Variants in BCL9L observed in about 807,000 individuals in gnomAD.
BCL9L encodes B-cell CLL/lymphoma 9-like protein.
Under a neutral mutation model 99.4 loss-of-function variants are expected in BCL9L, and 19 were observed. That is an observed-to-expected ratio of 0.19 (90% CI 0.13 to 0.28). BCL9L has a LOEUF of 0.28. Among genes scored for constraint, BCL9L ranks in the 10% least tolerant of loss-of-function variants. The probability of loss-of-function intolerance (pLI) is 1.00; values close to 1 mark genes in which losing one functional copy is unlikely to be tolerated. For synonymous variants in BCL9L, 900 were observed against 854.8 expected (o/e 1.05, Z -0.92); for missense variants, 2,023 against 2,101.6 (o/e 0.96, Z 0.73).
In BCL9L at chr11:118,908,627, G is replaced by C; in HGVS notation, c.55C>G (p.Pro19Ala). ...RLPHPRRREAPGSPPLSPRGH... is the reference protein window; with the variant it reads ...RLPHPRRREAAGSPPLSPRGH... Reference sequence around the variant, plus strand: ...CGGGGGGACAGCGGCGGGCTCCCTGGAGCTTCTCTCCTCCTGGGGTGGGGT... The same window carrying C: ...CGGGGGGACAGCGGCGGGCTCCCTGCAGCTTCTCTCCTCCTGGGGTGGGGT... Residue 19 changes from proline (P) to alanine (A), a missense_variant, in exon 4 of 10, where the codon CCA becomes GCA. Pro to Ala is a conservative substitution (Grantham distance 27). Coordinates refer to ENST00000683865, the MANE Select transcript of BCL9L (RefSeq NM_001378213.1). 1 of 1,612,184 alleles carries C rather than the reference G, an allele frequency of 6.2e-7. No homozygotes were observed. The highest frequency in any genetic ancestry group is 8.5e-7 in the Non-Finnish European group (1 of 1,179,494).
chr11:118,901,258 T>G lies in BCL9L; in HGVS notation c.2485A>C (p.Met829Leu). 6.2e-7 allele frequency: 1 copy of G among 1,614,012 alleles called. No homozygotes were observed. The highest frequency in any genetic ancestry group is 8.5e-7 in the Non-Finnish European group (1 of 1,179,980). Residue 829 changes from methionine (M) to leucine (L), a missense_variant, in exon 8 of 10, where the codon ATG becomes CTG. By Grantham distance (15) the Met-to-Leu change is conservative. Around this residue, in one of 3 missense-constraint regions of BCL9L, gnomAD observed 1,116 missense variants for 1,194.6 expected, o/e 0.93. Transcript: ENST00000683865. This position sits in a 1 kb window ranked among gnomAD's most constrained non-coding sequence, Gnocchi z 6.6. ...ATCAGCATCTTCTGCGGGCCGCCCA[T>G]CACGCCACTGCTGTTCTGGGCCCGA... ...RVRAQNSSGV[M>L]GGPQKMLMPS...
intron 1 of BCL9L, among the ~76,000 whole-genome samples, chr11:118,920,038 C>T (rs759253687): frequency 1.5e-4 from 23 of 152,130 alleles, no homozygotes; most frequent in African/African-American, 9.7e-5. Context: ...GGGGTGGGGA[C>T]GTAAAAGGGA....
chr11:118,916,120 A>G (rs7102433), intron 2 of BCL9L, among the ~76,000 whole-genome samples: 10,459 of 152,222 alleles, frequency 0.069, 945 homozygotes, highest in African/African-American at 0.21. Flanking sequence ...GTCCAGTAGC[A>G]AGGCATGGCC....
chr11:118,903,814 C>T lies in BCL9L; in HGVS notation c.533-362G>A, dbSNP rs1403562521. Among the ~76,000 whole-genome samples, 2 of 152,196 alleles carry T rather than the reference C, an allele frequency of 1.3e-5. No individual in the cohort carries two copies. The highest frequency in any genetic ancestry group is 2.4e-5 in the African/African-American group (1 of 41,438). On this transcript the variant is annotated intron_variant, in intron 5 of 9. Coordinates refer to ENST00000683865, the MANE Select transcript of BCL9L (RefSeq NM_001378213.1). This position sits in a 1 kb window ranked among gnomAD's most constrained non-coding sequence, Gnocchi z 5.6. ...AGTTACACAGCCAGTTAGTGCAGAG[C>T]CAGAACTGAACCCAGGGCCGGGACT... is the stretch of plus-strand genomic sequence containing the variant.
chr11:118,913,580 TG>T (rs1380967729), intron 2 of BCL9L, among the ~76,000 whole-genome samples: 35 of 149,464 alleles, frequency 2.3e-4, no homozygotes, highest in African/African-American at 7.2e-4. Flanking sequence ...AGAGAGGGGG[TG>T]GGGGGCACAA....
rs550537639 is a variant in BCL9L, at chr11:118,898,768, C to T, written c.4147G>A (p.Val1383Ile). ...RPPNLPGQQG[V>I]QRGLNMSMCH... ...ATGGACATGTTGAGCCCCCGCTGGACGCCCTGCTGGCCTGGGAGGTTGGGA... is the reference window on the plus strand; with the variant it reads ...ATGGACATGTTGAGCCCCCGCTGGATGCCCTGCTGGCCTGGGAGGTTGGGA... Residue 1383 changes from valine to isoleucine, a missense_variant, in exon 10 of 10, where the codon GTC (valine) becomes ATC (isoleucine). Physicochemically the swap from Val to Ile is conservative, Grantham distance 29. Around this residue, in one of 3 missense-constraint regions of BCL9L, gnomAD observed 902 missense variants for 888.2 expected, o/e 1.02. Transcript: ENST00000683865. The T allele has an allele frequency of 5.8e-5, 94 of 1,613,668 alleles. No individual in the cohort carries two copies. The highest frequency in any genetic ancestry group is 1.3e-4 in the African/African-American group (10 of 74,924).
rs561337960 is a variant in BCL9L at position 118,908,682 on chromosome 11, A to T, written c.27-27T>A. ...TGGGAGGAGGTGGGAGAAATGTGAA[A>T]AGTTAACCTTGCTAGGGGCTAGGCA... On this transcript the variant is annotated intron_variant, in intron 3 of 9. Transcript: ENST00000683865. 7 of 1,585,698 alleles carry T rather than the reference A, an allele frequency of 4.4e-6. No individual in the cohort carries two copies. In the South Asian group the frequency reaches 5.7e-5, roughly 13 times the overall value.
At chr11:118,920,491 T>A (rs910057731) in intron 1 of BCL9L, among the ~76,000 whole-genome samples, 1 of 152,170 alleles carries the variant, frequency 6.6e-6, no homozygotes, top group Admixed American at 6.5e-5. Flanking sequence ...TTTAGCTATT[T>A]GACCCTAGCT....
At chr11:118,910,563 C>T (rs1445133301) in intron 2 of BCL9L, 1 of 152,478 alleles carries the variant, frequency 6.6e-6, no homozygotes, top group Non-Finnish European at 1.5e-5. Context: ...AACGCTGGCT[C>T]GGATTCCTCC....
rs1275229033 is a variant in BCL9L, at chr11:118,900,629, G to A, written c.3114C>T (p.Asn1038=). 1.2e-6 allele frequency: 2 copies of A among 1,607,050 alleles called. No homozygotes were observed. Among genetic ancestry groups the A allele is most frequent in the Admixed American group, 1.7e-5 (1 of 59,736 alleles). ...GCGCAATTGACTCACCCTGTTCCATGTTGCTCAGGGTGGTGGAAGAGTTCA... is the reference window on the plus strand; with the variant it reads ...GCGCAATTGACTCACCCTGTTCCATATTGCTCAGGGTGGTGGAAGAGTTCA... The part of the protein sequence containing the change: ...LNMNSSTTLS[N]MEQGTLPPSG... The change falls in exon 8 of 10, where the codon AAC becomes AAT. Residue 1038 remains asparagine, a synonymous_variant. Transcript: ENST00000683865. The surrounding 1 kb of genome is among the most constrained non-coding windows in gnomAD (Gnocchi z 5.3).
Position 118,901,327 on chromosome 11 carries a change from A to G in BCL9L, c.2416T>C (p.Leu806=). 1 of 1,613,560 alleles carries G rather than the reference A, an allele frequency of 6.2e-7. No homozygotes were observed. Among genetic ancestry groups the G allele is most frequent in the Non-Finnish European group, 8.5e-7 (1 of 1,179,862 alleles). The part of the protein sequence containing the change: ...MSQKMRGPGD[L]MGPQGLSPEE... ...GGACTGAGGCCCTGGGGCCCCATCAAGTCCCCAGGGCCCCGCATCTTCTGC... is the reference window on the plus strand; with the variant it reads ...GGACTGAGGCCCTGGGGCCCCATCAGGTCCCCAGGGCCCCGCATCTTCTGC... Residue 806 remains leucine, a synonymous_variant, in exon 8 of 10, where the codon TTG becomes CTG. Coordinates refer to ENST00000683865, the MANE Select transcript of BCL9L (RefSeq NM_001378213.1). This position sits in a 1 kb window ranked among gnomAD's most constrained non-coding sequence, Gnocchi z 6.6.
intron 5 of BCL9L, 23 bp downstream of exon 5, chr11:118,907,460 C>A (rs1238738630): frequency 4.3e-6 from 7 of 1,614,090 alleles, no homozygotes; most frequent in Non-Finnish European, 5.1e-6. Context: ...GGCTACAGCA[C>A]CCTGGCATCG....
At chr11:118,916,926 T>C (rs917310437) in intron 2 of BCL9L, among the ~76,000 whole-genome samples, 1 of 152,192 alleles carries the variant, frequency 6.6e-6, no homozygotes, top group African/African-American at 2.4e-5. Context: ...CTTGTTTGCC[T>C]GGTGAGAGCA....
intron 4 of BCL9L, 40 bp downstream of exon 4, chr11:118,908,230 T>C (rs371996936): frequency 6.7e-5 from 102 of 1,517,838 alleles, no homozygotes; most frequent in Middle Eastern, 5.3e-4. Context: ...CCTTGGACTA[T>C]GGGAGATGCT....
chr11:118,912,694 GC>G (rs1053880739), intron 2 of BCL9L, among the ~76,000 whole-genome samples: 4 of 152,134 alleles, frequency 2.6e-5, no homozygotes, highest in African/African-American at 9.7e-5. Flanking sequence ...GCTCCTAGCT[GC>G]CCCCACGTTG....
chr11:118,911,924 T>C (rs760777771), intron 2 of BCL9L, among the ~76,000 whole-genome samples: 3 of 152,242 alleles, frequency 2.0e-5, no homozygotes, highest in Non-Finnish European at 4.4e-5. Context: ...CTGTAAGAAT[T>C]TGGGAAGGGG....
intron 4 of BCL9L, 132 bp downstream of exon 4, chr11:118,908,138 C>T: frequency 3.1e-6 from 4 of 1,288,494 alleles, no homozygotes; most frequent in Admixed American, 2.9e-5. Context: ...TGAAAGGTAC[C>T]CATGCAGAAA....
At chr11:118,923,450 TC>T (rs1181738274) in intron 1 of BCL9L, among the ~76,000 whole-genome samples, 1 of 152,024 alleles carries the variant, frequency 6.6e-6, no homozygotes, top group Non-Finnish European at 1.5e-5. Context: ...ACAGGCAAGA[TC>T]AATAGGTCCC....
Position 118,925,350 on chromosome 11 carries a change from G to A in BCL9L, c.-243C>T, listed in dbSNP as rs1941251411. 2 of 152,348 alleles carry A rather than the reference G, an allele frequency of 1.3e-5. No individual in the cohort carries two copies. The highest frequency in any genetic ancestry group is 2.4e-5 in the African/African-American group (1 of 41,474). The allele number at this position is 152,348 out of a possible 1,614,324, so 9.4% of individuals were successfully genotyped here. A position where few individuals can be genotyped will look rare whatever the true frequency, so the allele number is the denominator to read the frequency against. On this transcript the variant is annotated 5_prime_UTR_variant, in exon 1 of 10. Transcript: ENST00000683865. The surrounding 1 kb of genome is among the most constrained non-coding windows in gnomAD (Gnocchi z 6.4). The stretch of plus-strand genomic sequence containing the variant: ...CTCGCCAGTTGGAGATGCAGAGGGG[G>A]CGGGCAGGCGGTGATCTTTTGATCC...
Sources: gnomAD v4.1 joint callset for allele counts (sites outside exome capture counted in the v4.1 genomes callset) on GRCh38, gnomAD v4.1.1 for gene constraint, gnomAD v4.1.1 regional missense constraint, Gnocchi (gnomAD v3.1) non-coding constraint, MANE v1.5 for transcripts, NCBI Gene and HGNC (gene_info 2026-07-23, HGNC 2026-07-21) for gene names.